DNAH6: variants seen among roughly 807,000 people sequenced by gnomAD.
DNAH6 encodes dynein axonemal heavy chain 6, also known as axonemal beta dynein heavy chain 6.
In DNAH6, 340 loss-of-function variants were observed where a neutral mutation model predicts 491.4. That is an observed-to-expected ratio of 0.69 (90% confidence interval 0.63 to 0.76). The LOEUF is 0.76. Ranked by LOEUF, DNAH6 falls within the 30% of genes least tolerant of loss-of-function variation. The pLI is 0.00. For synonymous variants in DNAH6, 1,603 were observed against 1,686.1 expected (o/e 0.95, Z 1.21); for missense variants, 4,443 against 4,972.2 (o/e 0.89, Z 3.20).
At chr2:84,717,447 C>T (rs1296046977) in intron 58 of DNAH6, among the ~76,000 whole-genome samples, 1 of 152,158 alleles carries the variant, frequency 6.6e-6, no homozygotes, top group Non-Finnish European at 1.5e-5. Flanking sequence ...TGCTCTGGAG[C>T]CAGCAGACCC....
At chr2:84,613,703 G>A (rs904792731) in intron 22 of DNAH6, among the ~76,000 whole-genome samples, 1 of 152,066 alleles carries the variant, frequency 6.6e-6, no homozygotes, top group African/African-American at 2.4e-5. Flanking sequence ...GAGAGTCAAG[G>A]AGAAGGCAAC....
chr2:84,683,248 T>C (rs575282442), intron 42 of DNAH6, among the ~76,000 whole-genome samples: 3 of 152,104 alleles, frequency 2.0e-5, no homozygotes, highest in Non-Finnish European at 4.4e-5. Flanking sequence ...AGTTCACCAC[T>C]GTATCCCAGT....
intron 64 of DNAH6, among the ~76,000 whole-genome samples, chr2:84,767,754 ATGAC>A (rs1675224717): frequency 6.6e-6 from 1 of 152,200 alleles, no homozygotes; most frequent in East Asian, 1.9e-4. Context: ...TTAATAAACA[ATGAC>A]TGAGAATTTT....
chr2:84,593,806 GT>G lies in DNAH6; in HGVS notation c.2611-153del, dbSNP rs545873393. Among the ~76,000 whole-genome samples, 12,813 of 145,244 alleles carry G rather than the reference GT, an allele frequency of 0.088. 1,763 individuals are homozygous for G. Among genetic ancestry groups the G allele is most frequent in the African/African-American group, 0.3 (12,058 of 40,210 alleles). On this transcript the variant is annotated intron_variant, in intron 16 of 76. Transcript: ENST00000389394. Reference sequence around the variant, plus strand: ...TCTAATATATGTGGGGTTTTGTGGAGTTTTTTTTTTTTTCTTCATCTGTTTC... The same window carrying G: ...TCTAATATATGTGGGGTTTTGTGGAGTTTTTTTTTTTTCTTCATCTGTTTC...
At chr2:84,805,577 C>T in intron 70 of DNAH6, 88 bp from the exon 71 acceptor site, 1 of 1,237,976 alleles carries the variant, frequency 8.1e-7, no homozygotes, top group Non-Finnish European at 1.1e-6. Flanking sequence ...AGAGAACTGC[C>T]TTTACTTTTG....
chr2:84,703,453 A>G lies in DNAH6; in HGVS notation c.8120A>G (p.Asp2707Gly). The G allele has an allele frequency of 6.5e-7, 1 of 1,549,970 alleles. No individual in the cohort carries two copies. Among genetic ancestry groups the G allele is most frequent in the South Asian group, 1.2e-5 (1 of 83,776 alleles). Residue 2707 changes from aspartate to glycine, a missense_variant, in exon 50 of 77, where the codon GAT becomes GGT. By Grantham distance (94) the Asp-to-Gly change is moderately conservative. This residue lies in a region of DNAH6 where 2,977 missense variants were observed against 3,296.6 expected (regional missense o/e 0.90). Coordinates refer to ENST00000389394, the MANE Select transcript of DNAH6 (RefSeq NM_001370.2). ...CTACTAGAAACAAACATACTAGTAG[A>G]TAAAATGAAACTAGATCTTTCAGCT... ...TKLLETNILVDKMKLDLSALE... is the reference protein window; with the variant it reads ...TKLLETNILVGKMKLDLSALE...
intron 64 of DNAH6, among the ~76,000 whole-genome samples, chr2:84,768,432 T>TA (rs1031396955): frequency 2.2e-4 from 32 of 148,030 alleles, no homozygotes; most frequent in South Asian, 6.4e-4. Flanking sequence ...AGTGTATTAT[T>TA]AAAAAAAAAA....
At chr2:84,757,049 G>A (rs571810041) in intron 63 of DNAH6, among the ~76,000 whole-genome samples, 1 of 152,340 alleles carries the variant, frequency 6.6e-6, no homozygotes, top group East Asian at 1.9e-4. Context: ...GGATTTTGCA[G>A]AGGGTGATCT....
At position 84,595,651 on chromosome 2, in the gene DNAH6, A is replaced by G; in HGVS notation, c.2730A>G (p.Lys910=). 6.5e-7 allele frequency: 1 copy of G among 1,535,714 alleles called. No homozygotes were observed. The highest frequency in any genetic ancestry group is 1.3e-5 in the South Asian group (1 of 79,434). ...DKLQQEWLKS[K]FDCLDPEVLN... ...TGTTTTTAAATTTTTCATAGTCCAA[A>G]TTTGATTGCCTGGATCCAGAAGTCC... Residue 910 remains lysine (K), a synonymous_variant, in exon 18 of 77, where the codon AAA becomes AAG. Coordinates refer to ENST00000389394, the MANE Select transcript of DNAH6 (RefSeq NM_001370.2).
At chr2:84,661,870 C>T (rs1691538652) in intron 37 of DNAH6, among the ~76,000 whole-genome samples, 1 of 152,102 alleles carries the variant, frequency 6.6e-6, no homozygotes, top group Non-Finnish European at 1.5e-5. Flanking sequence ...GAGGACTTAA[C>T]TACATGACTT....
chr2:84,713,222 T>A lies in DNAH6; in HGVS notation c.9506T>A (p.Met3169Lys). The A allele has an allele frequency of 6.4e-7, 1 of 1,552,232 alleles. No homozygotes were observed. Among genetic ancestry groups the A allele is most frequent in the Non-Finnish European group, 8.7e-7 (1 of 1,147,084 alleles). ...TATGACAAAAACTTTAGGTTCTATA[T>A]GACAACCAAAATGCCAAATCCCCAC... ...IDYDKNFRFYMTTKMPNPHYL... is the reference protein window; with the variant it reads ...IDYDKNFRFYKTTKMPNPHYL... Residue 3169 changes from methionine (M) to lysine (K), a missense_variant, in exon 57 of 77, where the codon ATG (methionine) becomes AAG (lysine). Transcript: ENST00000389394.
intron 59 of DNAH6, among the ~76,000 whole-genome samples, chr2:84,721,918 G>A (rs1362184669): frequency 6.6e-6 from 1 of 152,212 alleles, no homozygotes; most frequent in East Asian, 1.9e-4. Flanking sequence ...TGGGGGAAGA[G>A]AGAGGAGGCA....
intron 46 of DNAH6, 91 bp downstream of exon 46, chr2:84,694,571 C>G: frequency 1.1e-6 from 1 of 901,492 alleles, no homozygotes. Flanking sequence ...GGATGAAGTT[C>G]AAGGGGATTG....
intron 14 of DNAH6, 67 bp downstream of exon 14, chr2:84,579,746 G>A (rs1682825570): frequency 1.4e-6 from 2 of 1,385,852 alleles, no homozygotes; most frequent in Non-Finnish European, 1.9e-6. Context: ...CATAGGACAA[G>A]AAAAAGTGAA....
intron 63 of DNAH6, among the ~76,000 whole-genome samples, chr2:84,751,384 T>G (rs1277787662): frequency 1.3e-5 from 2 of 152,200 alleles, no homozygotes; most frequent in Non-Finnish European, 2.9e-5. Flanking sequence ...AATCAACTGC[T>G]CTATTGGGAG....
intron 65 of DNAH6, among the ~76,000 whole-genome samples, chr2:84,783,729 G>A (rs533497134): frequency 3.2e-4 from 48 of 152,270 alleles, no homozygotes; most frequent in South Asian, 1.0e-3. Context: ...ATTTGTCCTC[G>A]TAGAGTTTCC....
intron 41 of DNAH6, among the ~76,000 whole-genome samples, chr2:84,680,382 A>C (rs1158029994): frequency 2.0e-5 from 3 of 152,200 alleles, no homozygotes; most frequent in African/African-American, 7.2e-5. Context: ...ACTAGCTAAT[A>C]AATACACATG....
rs527477872 is a variant in DNAH6, at chr2:84,721,927, C to T, written c.9793-698C>T. On this transcript the variant is annotated intron_variant, in intron 59 of 76. Coordinates refer to ENST00000389394, the MANE Select transcript of DNAH6 (RefSeq NM_001370.2). ...AAACAGTGGGGGAAGAGAGAGGAGGCAGGGGCAGACAGCAGTAGAAAGAGA... is the reference window on the plus strand; with the variant it reads ...AAACAGTGGGGGAAGAGAGAGGAGGTAGGGGCAGACAGCAGTAGAAAGAGA... Among the ~76,000 whole-genome samples the T allele has an allele frequency of 2.0e-5, 3 of 152,228 alleles. No individual in the cohort carries two copies. In the South Asian group the frequency reaches 6.2e-4, roughly 32 times the overall value.
At chr2:84,487,685 TA>T in the DNAH6 span, among the ~76,000 whole-genome samples, 7 of 152,214 alleles carry the variant, frequency 4.6e-5, no homozygotes, top group Non-Finnish European at 7.3e-5. Flanking sequence ...TGCCTGTGAA[TA>T]GGGGCCTAAA....
Sources: allele counts gnomAD v4.1 joint callset (sites outside exome capture counted in the v4.1 genomes callset), GRCh38; gene constraint gnomAD v4.1.1; regional missense constraint gnomAD v4.1.1; transcripts MANE v1.5; gene names NCBI Gene and HGNC (gene_info 2026-07-23, HGNC 2026-07-21).